The following FMN1 variants were observed in gnomAD, a reference collection of about 807,000 sequenced individuals.
The protein encoded by FMN1 is formin 1.
In FMN1, 110 loss-of-function variants were observed where a neutral mutation model predicts 132.4. The ratio of observed to expected loss-of-function variants is 0.83; its 90% confidence interval spans 0.71 to 0.97. The LOEUF (loss-of-function observed/expected upper bound fraction) is 0.97, where lower values mean the gene tolerates loss of function less well. Among genes scored for constraint, FMN1 ranks in the 50% least tolerant of loss-of-function variants. The pLI is 0.00. For missense variants in FMN1, 1,792 were observed against 1,705.3 expected (o/e 1.05, Z -0.90); for synonymous variants, 722 against 651.7 (o/e 1.11, Z -1.64).
At chr15:33,059,471 A>G (rs1487277528) in intron 6 of FMN1, among the ~76,000 whole-genome samples, 2 of 152,298 alleles carry the variant, frequency 1.3e-5, no homozygotes, top group African/African-American at 2.4e-5. Context: ...GAACTTCCAT[A>G]TAATTTTCCA....
rs375724606 is a variant in FMN1, at chr15:32,806,698, G to A, written c.3929-2366C>T. Among the ~76,000 whole-genome samples the A allele has an allele frequency of 8.3e-4, 127 of 152,252 alleles. 4 individuals are homozygous for A. The South Asian group carries it at 0.025, about 30-fold the overall frequency. ...GCTGGCAGCTGCCTCTGGCTTGAGC[G>A]CACTGAGCGTGCACATTGGAGGATC... On this transcript the variant is annotated intron_variant, in intron 17 of 20. Coordinates refer to ENST00000616417, the MANE Select transcript of FMN1 (RefSeq NM_001277313.2).
chr15:33,127,857 G>T (rs191765510), intron 4 of FMN1, among the ~76,000 whole-genome samples: 111 of 152,320 alleles, frequency 7.3e-4, no homozygotes, highest in Non-Finnish European at 7.9e-4. Flanking sequence ...AGAGAGAAGT[G>T]AGACAGTGCT....
In FMN1 at chr15:32,792,221, C is replaced by T. The variant is rs919729339; in HGVS notation, c.4130+6583G>A. On this transcript the variant is annotated intron_variant, in intron 19 of 20. Transcript: ENST00000616417. Reference sequence around the variant, plus strand: ...TTGGGAGGCCGAGGCGGGCAGATCACGAGGTCAGGAGATTGAGACCATCCT... The same window carrying T: ...TTGGGAGGCCGAGGCGGGCAGATCATGAGGTCAGGAGATTGAGACCATCCT... Among the ~76,000 whole-genome samples, 9 of 146,704 alleles carry T rather than the reference C, an allele frequency of 6.1e-5. No homozygotes were observed. In the South Asian group the frequency reaches 6.5e-4, roughly 11 times the overall value.
At chr15:32,809,210 C>T (rs1446346260) in intron 17 of FMN1, among the ~76,000 whole-genome samples, 1 of 152,050 alleles carries the variant, frequency 6.6e-6, no homozygotes, top group Admixed American at 6.6e-5. Flanking sequence ...TCCCCAATAC[C>T]AAATAAAAGA....
At position 33,006,684 on chromosome 15, in the gene FMN1, C is replaced by T. The variant is rs574771207; in HGVS notation, c.2223+1330G>A. Among the ~76,000 whole-genome samples the T allele has an allele frequency of 7.9e-5, 12 of 152,194 alleles. No homozygotes were observed. The East Asian group carries it at 1.3e-3, about 17-fold the overall frequency. ...ATGGTTAAAAAAAATGTGGTTTATA[C>T]ACAAAATGGAATACTCTAGTCTTTA... is the stretch of plus-strand genomic sequence containing the variant. On this transcript the variant is annotated intron_variant, in intron 7 of 20. Transcript: ENST00000616417.
At chr15:33,045,060 G>A (rs983556094) in intron 6 of FMN1, among the ~76,000 whole-genome samples, 1 of 152,212 alleles carries the variant, frequency 6.6e-6, no homozygotes, top group Non-Finnish European at 1.5e-5. Context: ...CCCCAAGCCA[G>A]GGCTGTGACA....
intron 17 of FMN1, among the ~76,000 whole-genome samples, chr15:32,848,571 G>A (rs530108955): frequency 6.6e-6 from 1 of 152,314 alleles, no homozygotes; most frequent in Admixed American, 6.5e-5. Context: ...CCCAATGAAA[G>A]TAATGAGACT....
At chr15:33,078,864 G>C (rs2038333946) in intron 5 of FMN1, among the ~76,000 whole-genome samples, 1 of 152,182 alleles carries the variant, frequency 6.6e-6, no homozygotes. Flanking sequence ...TACGTAGCAA[G>C]AGACCAGGGT....
intron 5 of FMN1, among the ~76,000 whole-genome samples, chr15:33,065,434 A>G (rs2037680588): frequency 6.6e-6 from 1 of 152,244 alleles, no homozygotes. Context: ...AATGTTTACC[A>G]ATGTATCCCG....
intron 19 of FMN1, among the ~76,000 whole-genome samples, chr15:32,788,878 G>A (rs990951658): frequency 2.6e-5 from 4 of 152,154 alleles, no homozygotes; most frequent in Non-Finnish European, 4.4e-5. Context: ...GCTGGCGATT[G>A]TTTTATTCCA....
chr15:33,082,020 GGTGTGTGTGTGTGT>G (rs57369569), intron 5 of FMN1, among the ~76,000 whole-genome samples: 9 of 117,762 alleles, frequency 7.6e-5, no homozygotes, highest in East Asian at 6.5e-4. Context: ...AGAGTTCAGG[GGTGTGTGTGTGTGT>G]GTGTGTGTGT....
At chr15:32,880,786 C>A (rs1024302884) in intron 16 of FMN1, among the ~76,000 whole-genome samples, 2 of 152,184 alleles carry the variant, frequency 1.3e-5, no homozygotes, top group Admixed American at 1.3e-4. Flanking sequence ...AGTCTGAAGT[C>A]ATTCTGTTTC....
intron 5 of FMN1, among the ~76,000 whole-genome samples, chr15:33,080,204 C>T (rs1481202056): frequency 6.6e-6 from 1 of 152,114 alleles, no homozygotes; most frequent in Non-Finnish European, 1.5e-5. Context: ...GGAAACAATA[C>T]AAAAATGCGG....
chr15:32,922,200 G>A (rs982837949), intron 10 of FMN1, among the ~76,000 whole-genome samples: 7 of 152,204 alleles, frequency 4.6e-5, no homozygotes, highest in Non-Finnish European at 1.0e-4. Flanking sequence ...CACCTGATGC[G>A]GAGCTGGCAC....
At chr15:32,932,363 T>C (rs2061143417) in intron 9 of FMN1, among the ~76,000 whole-genome samples, 1 of 152,230 alleles carries the variant, frequency 6.6e-6, no homozygotes, top group African/African-American at 2.4e-5. Flanking sequence ...ATTGTGCCAC[T>C]GCACTCCAGC....
Position 32,968,147 on chromosome 15 carries a change from C to G in FMN1, c.2987+567G>C, listed in dbSNP as rs146230353. Among the ~76,000 whole-genome samples, 1,124 of 152,290 alleles carry G rather than the reference C, an allele frequency of 7.4e-3. 11 individuals are homozygous for G. Among genetic ancestry groups the G allele is most frequent in the African/African-American group, 0.026 (1,065 of 41,556 alleles). On this transcript the variant is annotated intron_variant, in intron 8 of 20. Transcript: ENST00000616417. The stretch of plus-strand genomic sequence containing the variant: ...AGACATAAAGGAAGATGTGAGAGTA[C>G]TTAGCAGTTAAAAGAAACAGAGTTC...
intron 4 of FMN1, among the ~76,000 whole-genome samples, chr15:33,151,931 T>G (rs182691293): frequency 2.7e-3 from 418 of 152,332 alleles, no homozygotes; most frequent in Admixed American, 4.1e-3. Flanking sequence ...CTCTACCCCC[T>G]GGATCAATGA....
chr15:33,075,492 G>C (rs2038173221), intron 5 of FMN1, among the ~76,000 whole-genome samples: 2 of 152,098 alleles, frequency 1.3e-5, no homozygotes, highest in South Asian at 4.2e-4. Flanking sequence ...TTCTTCCAAG[G>C]GATCCCTTTG....
At chr15:33,015,917 C>T (rs1244497324) in intron 6 of FMN1, among the ~76,000 whole-genome samples, 5 of 152,104 alleles carry the variant, frequency 3.3e-5, no homozygotes, top group Non-Finnish European at 7.3e-5. Flanking sequence ...TAGTGTTGAT[C>T]GGAGTTTGGT....
Sources: allele counts gnomAD v4.1 joint callset (sites outside exome capture counted in the v4.1 genomes callset), GRCh38; gene constraint gnomAD v4.1.1; transcripts MANE v1.5; gene names NCBI Gene and HGNC (gene_info 2026-07-23, HGNC 2026-07-21).